Variants in GRIA3 observed in about 807,000 individuals in gnomAD.
GRIA3 encodes glutamate ionotropic receptor AMPA type subunit 3.
Under a neutral mutation model 63.0 loss-of-function variants are expected in GRIA3, and 3 were observed. The observed-to-expected ratio is 0.05, with a 90% CI of 0.02 to 0.12. The LOEUF is 0.12. GRIA3 is among the 10% of genes least tolerant of loss of function. The pLI is 1.00. For synonymous variants in GRIA3, 274 were observed against 257.9 expected (o/e 1.06, Z -0.60); for missense variants, 347 against 700.9 (o/e 0.50, Z 5.70).
intron 15 of GRIA3, among the ~76,000 whole-genome samples, chrX:123,485,881 G>C (rs1447200770): frequency 9.0e-6 from 1 of 111,161 alleles, no homozygotes; most frequent in Non-Finnish European, 1.9e-5. Flanking sequence ...TATAGATCCT[G>C]ATCCAGCAGG....
chrX:123,451,513 A>T (rs2045731466), intron 12 of GRIA3, among the ~76,000 whole-genome samples: 1 of 92,222 alleles, frequency 1.1e-5, no homozygotes, highest in African/African-American at 4.8e-5. Flanking sequence ...TCTAAAAAAA[A>T]AAAAAAAAAA....
intron 3 of GRIA3, among the ~76,000 whole-genome samples, chrX:123,284,927 G>A (rs893066077): frequency 9.0e-6 from 1 of 110,985 alleles, no homozygotes; most frequent in African/African-American, 3.3e-5. Flanking sequence ...CTCGAGAAGA[G>A]CAACCCCAAG....
At chrX:123,223,842 G>T (rs2044231099) in intron 2 of GRIA3, among the ~76,000 whole-genome samples, 1 of 112,296 alleles carries the variant, frequency 8.9e-6, no homozygotes, top group Non-Finnish European at 1.9e-5. Context: ...CACAGCTAAG[G>T]TGCTCTTCAA....
intron 2 of GRIA3, among the ~76,000 whole-genome samples, chrX:123,243,876 C>T (rs1191874848): frequency 2.7e-5 from 3 of 111,558 alleles, no homozygotes; most frequent in Non-Finnish European, 3.8e-5. Flanking sequence ...CATATTATCT[C>T]GATATAAAAG....
intron 3 of GRIA3, among the ~76,000 whole-genome samples, chrX:123,273,439 A>C (rs2044535499): frequency 8.9e-6 from 1 of 112,321 alleles, no homozygotes; most frequent in Non-Finnish European, 1.9e-5. Flanking sequence ...CCAGCCTTAA[A>C]AATGAAGAAA....
At chrX:123,243,090 TA>T (rs201777314) in intron 2 of GRIA3, among the ~76,000 whole-genome samples, 48 of 108,966 alleles carry the variant, frequency 4.4e-4, no homozygotes, top group Non-Finnish European at 5.9e-4. Context: ...AACTTGACCT[TA>T]AAAAAAAACT....
intron 5 of GRIA3, among the ~76,000 whole-genome samples, chrX:123,379,819 G>A (rs1433563428): frequency 1.3e-5 from 1 of 76,717 alleles, no homozygotes; most frequent in African/African-American, 5.4e-5. Flanking sequence ...ACAGGCCCCG[G>A]TGTGTGATGT....
At chrX:123,380,102 A>G (rs990434582) in intron 5 of GRIA3, among the ~76,000 whole-genome samples, 1 of 111,320 alleles carries the variant, frequency 9.0e-6, no homozygotes, top group Non-Finnish European at 1.9e-5. Flanking sequence ...CACAATAAAC[A>G]TATGTGTGCA....
chrX:123,240,184 T>C (rs184086625), intron 2 of GRIA3, among the ~76,000 whole-genome samples: 15 of 112,027 alleles, frequency 1.3e-4, no homozygotes, highest in African/African-American at 4.9e-4. Flanking sequence ...ATGTACACCC[T>C]ATGCTTGTCA....
At chrX:123,456,342 T>C (rs2045761276) in intron 12 of GRIA3, among the ~76,000 whole-genome samples, 1 of 111,154 alleles carries the variant, frequency 9.0e-6, no homozygotes, top group Admixed American at 9.6e-5. Flanking sequence ...TTAAAGATAT[T>C]CAGCTATCTC....
intron 2 of GRIA3, chrX:123,202,686 A>T (rs1472036557): frequency 4.0e-5 from 47 of 1,164,830 alleles, no homozygotes; most frequent in Non-Finnish European, 5.2e-5. Context: ...CAGGGAAAAC[A>T]ATTGGACAGC....
chrX:123,292,654 A>T (rs1246128190), intron 3 of GRIA3, among the ~76,000 whole-genome samples: 3 of 111,582 alleles, frequency 2.7e-5, no homozygotes, highest in Admixed American at 9.6e-5. Context: ...AATGAGGCCA[A>T]CCAGAAAATC....
At chrX:123,277,920 A>C (rs192943216) in intron 3 of GRIA3, among the ~76,000 whole-genome samples, 10 of 112,244 alleles carry the variant, frequency 8.9e-5, no homozygotes, top group South Asian at 3.7e-4. Flanking sequence ...AGGGAATGCC[A>C]GGGTTGAAAA....
chrX:123,195,550 G>A (rs1927553542), intron 2 of GRIA3, among the ~76,000 whole-genome samples: 1 of 111,787 alleles, frequency 8.9e-6, no homozygotes, highest in African/African-American at 3.3e-5. Flanking sequence ...TTATAATAGG[G>A]AGTGGTGGGG....
chrX:123,316,010 T>TA (rs59913158), intron 3 of GRIA3, among the ~76,000 whole-genome samples: 32 of 81,912 alleles, frequency 3.9e-4, no homozygotes, highest in East Asian at 2.0e-3. Context: ...ACCCCATCTC[T>TA]AAAAAAAAAA....
chrX:123,436,056 G>A (rs918154844), intron 12 of GRIA3, among the ~76,000 whole-genome samples: 3 of 111,226 alleles, frequency 2.7e-5, no homozygotes, highest in Non-Finnish European at 5.7e-5. Flanking sequence ...GAGAGCATCA[G>A]GATAAATAGC....
chrX:123,256,369 T>C (rs1036082951), intron 3 of GRIA3, among the ~76,000 whole-genome samples: 1 of 111,603 alleles, frequency 9.0e-6, no homozygotes, highest in African/African-American at 3.3e-5. Context: ...AATAAGGTGC[T>C]ATGAAGGAAA....
intron 15 of GRIA3, among the ~76,000 whole-genome samples, chrX:123,484,897 G>T (rs1029546370): frequency 8.0e-5 from 9 of 112,467 alleles, no homozygotes; most frequent in Admixed American, 1.9e-4. Context: ...ACATAATTTT[G>T]TCCAGTGAAG....
intron 2 of GRIA3, among the ~76,000 whole-genome samples, chrX:123,236,726 A>G (rs1456392508): frequency 2.7e-5 from 3 of 111,711 alleles, no homozygotes; most frequent in South Asian, 3.8e-4. Flanking sequence ...AGCTAAAAAA[A>G]AAGGTGAAAT....
Sources: allele counts gnomAD v4.1 joint callset (sites outside exome capture counted in the v4.1 genomes callset), GRCh38; gene constraint gnomAD v4.1.1; transcripts MANE v1.5; gene names NCBI Gene and HGNC (gene_info 2026-07-23, HGNC 2026-07-21).